Variants in ANK2 observed in about 807,000 individuals in gnomAD.
ANK2 encodes the protein ankyrin-2.
In ANK2, 83 loss-of-function variants were observed where a neutral mutation model predicts 360.5. The ratio of observed to expected loss-of-function variants is 0.23; its 90% CI spans 0.19 to 0.28. ANK2 has a LOEUF of 0.28. ANK2 is among the 10% of genes least tolerant of loss of function. The pLI is 1.00. For missense variants in ANK2, 4,201 were observed against 4,795.7 expected (o/e 0.88, Z 3.66); for synonymous variants, 1,740 against 1,759.5 (o/e 0.99, Z 0.28).
At chr4:113,094,687 A>C (rs1003519966) in intron 1 of ANK2, among the ~76,000 whole-genome samples, 1 of 152,242 alleles carries the variant, frequency 6.6e-6, no homozygotes, top group Non-Finnish European at 1.5e-5. Flanking sequence ...ATTCTGACTT[A>C]TGTATAAACC....
At chr4:113,163,463 T>A (rs574288011) in intron 1 of ANK2, among the ~76,000 whole-genome samples, 97 of 152,008 alleles carry the variant, frequency 6.4e-4, no homozygotes, top group African/African-American at 2.1e-3. Flanking sequence ...ACTTTTTTTT[T>A]AAATTAAAAA....
intron 1 of ANK2, among the ~76,000 whole-genome samples, chr4:113,172,492 C>G (rs545590370): frequency 5.9e-5 from 9 of 152,136 alleles, no homozygotes; most frequent in Non-Finnish European, 1.0e-4. Flanking sequence ...CTTTCCTCAT[C>G]TATTAAATGG....
chr4:112,788,444 A>T, the ANK2 span: 1 of 1,600,846 alleles, frequency 6.2e-7, no homozygotes, highest in Non-Finnish European at 8.5e-7. Context: ...CTTGTTCTCC[A>T]CCAAGGTGGT....
chr4:113,265,651 T>A (rs149440374), intron 14 of ANK2, among the ~76,000 whole-genome samples: 31 of 152,344 alleles, frequency 2.0e-4, no homozygotes, highest in African/African-American at 3.4e-4. Flanking sequence ...TTTTAAATCT[T>A]ACTTTCCAAT....
At chr4:112,850,543 G>T (rs12512624) in intron 1 of ANK2, among the ~76,000 whole-genome samples, 39,591 of 63,478 alleles carry the variant, frequency 0.62, 12,695 homozygotes, top group East Asian at 0.94. Context: ...TTGAGACAGA[G>T]TCTCTCTCTG....
chr4:113,143,887 T>C (rs1361184191), intron 1 of ANK2, among the ~76,000 whole-genome samples: 4 of 152,206 alleles, frequency 2.6e-5, no homozygotes, highest in African/African-American at 9.6e-5. Context: ...TACCATATTA[T>C]GATGAATCGT....
At chr4:113,203,045 G>A (rs887249298) in intron 4 of ANK2, among the ~76,000 whole-genome samples, 9 of 152,144 alleles carry the variant, frequency 5.9e-5, no homozygotes, top group African/African-American at 2.2e-4. Flanking sequence ...CATCCATGGT[G>A]CCGGAATTAT....
At chr4:113,125,350 TGCG>T in intron 1 of ANK2, among the ~76,000 whole-genome samples, 1 of 152,192 alleles carries the variant, frequency 6.6e-6, no homozygotes, top group African/African-American at 2.4e-5. Flanking sequence ...ATATGATTTT[TGCG>T]TTTGAAACAA....
intron 1 of ANK2, among the ~76,000 whole-genome samples, chr4:112,824,543 C>T (rs1008626013): frequency 3.4e-5 from 5 of 148,586 alleles, no homozygotes; most frequent in African/African-American, 1.0e-4. Flanking sequence ...CTTGCTCTGT[C>T]ACCCAGGCTG....
At chr4:112,864,824 A>T (rs1651714172) in intron 1 of ANK2, among the ~76,000 whole-genome samples, 1 of 150,832 alleles carries the variant, frequency 6.6e-6, no homozygotes, top group Non-Finnish European at 1.5e-5. Context: ...CGAGGTCAGG[A>T]GATTGAGACC....
At chr4:113,181,481 C>G (rs2098412962) in intron 2 of ANK2, among the ~76,000 whole-genome samples, 1 of 152,162 alleles carries the variant, frequency 6.6e-6, no homozygotes, top group Non-Finnish European at 1.5e-5. Flanking sequence ...GTGGCAGGCT[C>G]TGTCCTAGGT....
At chr4:113,144,828 A>T (rs1457221684) in intron 1 of ANK2, among the ~76,000 whole-genome samples, 1 of 146,506 alleles carries the variant, frequency 6.8e-6, no homozygotes, top group Admixed American at 6.8e-5. Flanking sequence ...TATAGTTATA[A>T]ATATATATAT....
the ANK2 span, among the ~76,000 whole-genome samples, chr4:112,753,475 C>T: frequency 6.6e-6 from 1 of 152,204 alleles, no homozygotes; most frequent in Non-Finnish European, 1.5e-5. Flanking sequence ...AGAGCAACTC[C>T]ATCTTGAACA....
At chr4:113,173,562 T>G (rs2098077136) in intron 1 of ANK2, among the ~76,000 whole-genome samples, 1 of 152,178 alleles carries the variant, frequency 6.6e-6, no homozygotes, top group African/African-American at 2.4e-5. Flanking sequence ...TGTTAAGGTT[T>G]AAAAGTCAGA....
At chr4:113,343,825 C>A (rs546989289) in intron 34 of ANK2, among the ~76,000 whole-genome samples, 14 of 152,230 alleles carry the variant, frequency 9.2e-5, no homozygotes, top group African/African-American at 3.4e-4. Flanking sequence ...CATTTTTCTT[C>A]TTGTTTCTCA....
the ANK2 span, among the ~76,000 whole-genome samples, chr4:112,757,934 C>G: frequency 6.9e-6 from 1 of 143,930 alleles, no homozygotes; most frequent in Non-Finnish European, 1.6e-5. Context: ...GGCTGGCGTG[C>G]AATGGCGCCG....
chr4:113,142,391 A>T (rs946540926), intron 1 of ANK2, among the ~76,000 whole-genome samples: 1 of 152,230 alleles, frequency 6.6e-6, no homozygotes, highest in African/African-American at 2.4e-5. Flanking sequence ...ATTAGAAAGT[A>T]TCTGATCGTC....
intron 1 of ANK2, among the ~76,000 whole-genome samples, chr4:113,098,068 A>G (rs1020622482): frequency 1.1e-4 from 16 of 151,484 alleles, no homozygotes; most frequent in African/African-American, 3.9e-4. Flanking sequence ...ATATTTGCCT[A>G]CTGAGTGAAA....
At chr4:112,814,879 T>A (rs1466465454), upstream of ANK2, among the ~76,000 whole-genome samples, 1 of 152,202 alleles carries the variant, frequency 6.6e-6, no homozygotes, top group Non-Finnish European at 1.5e-5. Context: ...TAGCTCATAT[T>A]ATAAGAAATA....
Sources: allele counts gnomAD v4.1 joint callset (sites outside exome capture counted in the v4.1 genomes callset), GRCh38; gene constraint gnomAD v4.1.1; transcripts MANE v1.5; gene names NCBI Gene and HGNC (gene_info 2026-07-23, HGNC 2026-07-21).